Variants in PGAP1 observed in about 807,000 individuals in gnomAD.
The protein encoded by PGAP1 is post-GPI attachment to proteins inositol deacylase 1.
PGAP1 carries 76 observed loss-of-function variants against 127.0 expected under a neutral mutation model. The ratio of observed to expected loss-of-function variants is 0.60; its 90% CI spans 0.50 to 0.72. The LOEUF is 0.72. Ranked by LOEUF, PGAP1 falls within the 30% of genes least tolerant of loss-of-function variation. The pLI is 0.00. For missense variants in PGAP1, 982 were observed against 1,071.3 expected, an observed-to-expected ratio of 0.92 and a Z score of 1.16; for synonymous variants, 362 against 366.5, an observed-to-expected ratio of 0.99 and a Z score of 0.14.
chr2:196,920,956 A>C (rs1559374482), intron 1 of PGAP1, among the ~76,000 whole-genome samples: 1 of 152,104 alleles, frequency 6.6e-6, no homozygotes, highest in African/African-American at 2.4e-5. Context: ...AAAGGTAGAC[A>C]TCTGTGGTAG....
intron 9 of PGAP1, 29 bp from the exon 10 acceptor site, chr2:196,890,940 AGCTGTAATG>A (rs1702079369): frequency 1.9e-6 from 2 of 1,081,084 alleles, no homozygotes; most frequent in Non-Finnish European, 1.4e-6. Flanking sequence ...CACTCAATAT[AGCTGTAATG>A]AGCAGATTAG....
chr2:196,852,393 C>T (rs1488957633), intron 20 of PGAP1, among the ~76,000 whole-genome samples: 1 of 151,948 alleles, frequency 6.6e-6, no homozygotes, highest in Non-Finnish European at 1.5e-5. Context: ...AATAAATAAG[C>T]TGGTTCTCAT....
chr2:196,922,006 G>A (rs1674914300), intron 1 of PGAP1: 2 of 392,906 alleles, frequency 5.1e-6, no homozygotes, highest in Non-Finnish European at 7.4e-6. Context: ...GGATATAAAA[G>A]GAAAATACTT....
intron 19 of PGAP1, among the ~76,000 whole-genome samples, chr2:196,868,624 T>C (rs1701317670): frequency 1.3e-5 from 2 of 152,224 alleles, no homozygotes; most frequent in South Asian, 4.1e-4. Context: ...CAGAAATGAT[T>C]TACTAGCGTT....
chr2:196,881,895 T>C (rs1701745531), intron 12 of PGAP1, among the ~76,000 whole-genome samples: 1 of 152,216 alleles, frequency 6.6e-6, no homozygotes, highest in East Asian at 1.9e-4. Flanking sequence ...CAATTTTTGC[T>C]TTTGGTATCA....
At chr2:196,875,891 TTTGAGTGGA>T in intron 13 of PGAP1, 70 bp from the exon 14 acceptor site, 1 of 773,788 alleles carries the variant, frequency 1.3e-6, no homozygotes, top group Non-Finnish European at 2.1e-6. Context: ...TTACTTGATG[TTTGAGTGGA>T]AAATAAAAGT....
Position 196,833,441 on chromosome 2 carries a change from G to GA in PGAP1, c.*7792dup, listed in dbSNP as rs1302808669. On this transcript the variant is annotated 3_prime_UTR_variant, in exon 27 of 27. Coordinates refer to ENST00000354764, the MANE Select transcript of PGAP1 (RefSeq NM_024989.4). ...TGCACTGTACTTTCTGGATGGATGA[G>GA]AAAAAAATAATCAATTTGCAAACAA... 6.6e-6 allele frequency: 1 copy of GA among 151,986 alleles called. No homozygotes were observed. The highest frequency in any genetic ancestry group is 1.5e-5 in the Non-Finnish European group (1 of 67,974). 9.4% of individuals were successfully genotyped at this position (151,986 alleles called of 1,614,324 possible).
At chr2:196,851,601 G>A (rs936796408) in intron 20 of PGAP1, among the ~76,000 whole-genome samples, 2 of 152,086 alleles carry the variant, frequency 1.3e-5, no homozygotes, top group African/African-American at 4.8e-5. Flanking sequence ...GACATGAAGA[G>A]TGTCCAGAGG....
At chr2:196,855,315 ACT>A (rs1229233900) in intron 20 of PGAP1, among the ~76,000 whole-genome samples, 1 of 125,326 alleles carries the variant, frequency 8.0e-6, no homozygotes, top group South Asian at 2.7e-4. Flanking sequence ...ACAGAGCGAG[ACT>A]CTGTCACCAA....
At chr2:196,856,374 T>C (rs1009845759) in intron 20 of PGAP1, among the ~76,000 whole-genome samples, 9 of 152,194 alleles carry the variant, frequency 5.9e-5, no homozygotes, top group Admixed American at 5.9e-4. Flanking sequence ...AAAAAAATTA[T>C]GTTTCTAAAT....
intron 12 of PGAP1, among the ~76,000 whole-genome samples, chr2:196,882,910 A>C (rs1413126731): frequency 6.6e-6 from 1 of 152,092 alleles, no homozygotes; most frequent in Non-Finnish European, 1.5e-5. Context: ...GCGGTGAGAG[A>C]GGGCATCCTT....
rs1364265556 is a variant in PGAP1, at chr2:196,835,369, C to A, written c.*5865G>T. 1 of 151,904 alleles carries A rather than the reference C, an allele frequency of 6.6e-6. No homozygotes were observed. Among genetic ancestry groups the A allele is most frequent in the Non-Finnish European group, 1.5e-5 (1 of 67,838 alleles). 9.4% of individuals were successfully genotyped at this position (151,904 alleles called of 1,614,324 possible). On this transcript the variant is annotated 3_prime_UTR_variant, in exon 27 of 27. Coordinates refer to ENST00000354764, the MANE Select transcript of PGAP1 (RefSeq NM_024989.4). Reference sequence around the variant, plus strand: ...ACCTTTCAACTACATAAATGAGACACCTGTACTAAAATGGCTTGTACAACA... The same window carrying A: ...ACCTTTCAACTACATAAATGAGACAACTGTACTAAAATGGCTTGTACAACA...
At chr2:196,857,001 T>G (rs189607578) in intron 20 of PGAP1, among the ~76,000 whole-genome samples, 4 of 152,330 alleles carry the variant, frequency 2.6e-5, no homozygotes, top group African/African-American at 9.6e-5. Context: ...TTTATTCTTT[T>G]TGTGGCAGTT....
chr2:196,875,645 T>C (rs1169497220), intron 14 of PGAP1, 101 bp downstream of exon 14: 20 of 680,096 alleles, frequency 2.9e-5, no homozygotes, highest in Non-Finnish European at 4.7e-5. Flanking sequence ...CTAAGAACTA[T>C]ACTTGAAATA....
intron 11 of PGAP1, 71 bp from the exon 12 acceptor site, chr2:196,885,546 C>T: frequency 8.4e-7 from 1 of 1,184,648 alleles, no homozygotes; most frequent in East Asian, 2.4e-5. Flanking sequence ...AAATAAGATT[C>T]AGAGGAAAAA....
chr2:196,847,797 AG>A, intron 21 of PGAP1, 149 bp downstream of exon 21: 1 of 522,448 alleles, frequency 1.9e-6, no homozygotes, highest in Non-Finnish European at 3.3e-6. Flanking sequence ...TATACTTATT[AG>A]ACCTTTGCCT....
Position 196,841,391 on chromosome 2 carries a change from A to G in PGAP1, c.2631-19T>C, listed in dbSNP as rs1700408751. On this transcript the variant is annotated intron_variant, in intron 26 of 26. Coordinates refer to ENST00000354764, the MANE Select transcript of PGAP1 (RefSeq NM_024989.4). Reference sequence around the variant, plus strand: ...CAATTTACTGTAAAGAGACAGAGAAATATACATTACTTATGTGAACTACAT... The same window carrying G: ...CAATTTACTGTAAAGAGACAGAGAAGTATACATTACTTATGTGAACTACAT... The G allele has an allele frequency of 6.3e-7, 1 of 1,599,964 alleles. No homozygotes were observed. Among genetic ancestry groups the G allele is most frequent in the Admixed American group, 1.7e-5 (1 of 58,830 alleles).
intron 2 of PGAP1, among the ~76,000 whole-genome samples, 171 bp from the exon 3 acceptor site, chr2:196,916,764 G>A (rs773868753): frequency 6.6e-6 from 1 of 152,124 alleles, no homozygotes; most frequent in Non-Finnish European, 1.5e-5. Context: ...TCTAGCAACT[G>A]TATGCCTTGA....
Position 196,839,570 on chromosome 2 carries a change from T to A in PGAP1, c.*1664A>T, listed in dbSNP as rs192999471. 6.6e-6 allele frequency: 1 copy of A among 152,304 alleles called. No individual in the cohort carries two copies. The highest frequency in any genetic ancestry group is 1.5e-5 in the Non-Finnish European group (1 of 68,018). The allele number at this position is 152,304 out of a possible 1,614,324, so 9.4% of individuals were successfully genotyped here. A position where few individuals can be genotyped will look rare whatever the true frequency, so the allele number is the denominator to read the frequency against. ...TGTTCTCAGTAAGTTAAAATATGAATACTGAAAAACATGCTCAAAGCTAGA... is the reference window on the plus strand; with the variant it reads ...TGTTCTCAGTAAGTTAAAATATGAAAACTGAAAAACATGCTCAAAGCTAGA... On this transcript the variant is annotated 3_prime_UTR_variant, in exon 27 of 27. Transcript: ENST00000354764.
Sources: gnomAD v4.1 joint callset for allele counts (sites outside exome capture counted in the v4.1 genomes callset) on GRCh38, gnomAD v4.1.1 for gene constraint, MANE v1.5 for transcripts, NCBI Gene and HGNC (gene_info 2026-07-23, HGNC 2026-07-21) for gene names.